Variants in PCDH15 observed in about 807,000 individuals in gnomAD.
The protein encoded by PCDH15 is protocadherin related 15.
Under a neutral mutation model 178.5 loss-of-function variants are expected in PCDH15, and 129 were observed. The ratio of observed to expected loss-of-function variants is 0.72; its 90% CI spans 0.63 to 0.84. The LOEUF (loss-of-function observed/expected upper bound fraction) is 0.84. Among genes scored for constraint, PCDH15 ranks in the 40% least tolerant of loss-of-function variants. PCDH15 has a pLI of 0.00. For missense variants in PCDH15, 2,230 were observed against 2,099.9 expected, an observed-to-expected ratio of 1.06 and a Z score of -1.21; for synonymous variants, 800 against 732.0, an observed-to-expected ratio of 1.09 and a Z score of -1.50.
chr10:54,062,573 T>G (rs931646538), intron 18 of PCDH15, among the ~76,000 whole-genome samples: 47 of 152,268 alleles, frequency 3.1e-4, no homozygotes, highest in Non-Finnish European at 5.4e-4. Flanking sequence ...CTTGGATGTC[T>G]TCCTCTTCCT....
intron 8 of PCDH15, among the ~76,000 whole-genome samples, chr10:54,310,559 T>C (rs4141669): frequency 0.084 from 12,799 of 151,900 alleles, 656 homozygotes; most frequent in Admixed American, 0.14. Flanking sequence ...TAGAATTGGA[T>C]AGAAAGAATA....
chr10:55,622,101 TA>T (rs1361227816), intron 2 of PCDH15, among the ~76,000 whole-genome samples: 1 of 69,450 alleles, frequency 1.4e-5, no homozygotes, highest in Non-Finnish European at 3.1e-5. Flanking sequence ...ATAATGTATA[TA>T]TATTATATAT....
chr10:54,212,888 A>G (rs1302631043), intron 10 of PCDH15, among the ~76,000 whole-genome samples: 1 of 152,128 alleles, frequency 6.6e-6, no homozygotes. Context: ...ATGTAACTCT[A>G]AGGTAATCAC....
At chr10:55,312,478 C>A (rs1479816910) in intron 1 of PCDH15, among the ~76,000 whole-genome samples, 1 of 151,992 alleles carries the variant, frequency 6.6e-6, no homozygotes, top group Non-Finnish European at 1.5e-5. Context: ...TTATGCCATG[C>A]ACTGTATAAT....
At chr10:54,629,551 T>C (rs569517075) in intron 2 of PCDH15, among the ~76,000 whole-genome samples, 7 of 152,212 alleles carry the variant, frequency 4.6e-5, no homozygotes, top group African/African-American at 1.7e-4. Context: ...GACATCTCTT[T>C]ATGATAAAAA....
chr10:54,708,642 A>G (rs888641928), intron 1 of PCDH15, among the ~76,000 whole-genome samples: 8 of 152,016 alleles, frequency 5.3e-5, no homozygotes, highest in Non-Finnish European at 8.8e-5. Flanking sequence ...GAGTATCTAG[A>G]TTATTTCTCA....
intron 2 of PCDH15, among the ~76,000 whole-genome samples, chr10:55,484,619 C>A (rs4935594): frequency 0.3 from 45,980 of 151,468 alleles, 7,109 homozygotes; most frequent in Middle Eastern, 0.35. Context: ...AAAGAGACAG[C>A]AAACTACCTG....
At chr10:54,012,284 T>G (rs140799997) in intron 20 of PCDH15, among the ~76,000 whole-genome samples, 4 of 151,818 alleles carry the variant, frequency 2.6e-5, no homozygotes, top group African/African-American at 9.7e-5. Context: ...CTGAAACATA[T>G]GGGATTATGT....
At chr10:54,176,787 A>G (rs1017602100) in intron 13 of PCDH15, among the ~76,000 whole-genome samples, 1 of 152,172 alleles carries the variant, frequency 6.6e-6, no homozygotes, top group African/African-American at 2.4e-5. Flanking sequence ...TTATGGCAGC[A>G]CATAGGCATG....
intron 2 of PCDH15, among the ~76,000 whole-genome samples, chr10:54,930,476 C>T (rs1232984012): frequency 6.6e-6 from 1 of 152,138 alleles, no homozygotes; most frequent in East Asian, 1.9e-4. Flanking sequence ...TTCCTTGGGG[C>T]AAGACAATGA....
In PCDH15 at chr10:54,039,498, CT is replaced by C. The variant is rs1232430024; in HGVS notation, c.2221-16302del. 9.2e-5 allele frequency among the ~76,000 whole-genome samples: 14 copies of C among 151,982 alleles called. No homozygotes were observed. The East Asian group carries it at 2.7e-3, about 30-fold the overall frequency. The stretch of plus-strand genomic sequence containing the variant: ...AATTGTCAGTGGGTTCCCTCAATGT[CT>C]CCCTTACTCTGTGGCAAGCTAGTCT... On this transcript the variant is annotated intron_variant, in intron 18 of 37. Coordinates refer to ENST00000644397, the MANE Select transcript of PCDH15 (RefSeq NM_001384140.1).
intron 3 of PCDH15, among the ~76,000 whole-genome samples, chr10:54,398,809 C>T (rs552656266): frequency 4.7e-4 from 71 of 152,008 alleles, no homozygotes; most frequent in South Asian, 1.9e-3. Context: ...ACCAAGTATC[C>T]GGGTTGCCTT....
intron 2 of PCDH15, among the ~76,000 whole-genome samples, chr10:55,064,212 C>T (rs1841506656): frequency 6.6e-6 from 1 of 152,122 alleles, no homozygotes; most frequent in Admixed American, 6.6e-5. Flanking sequence ...GCCTGACATA[C>T]AAGTAATTAT....
chr10:54,718,464 A>T (rs2132462897), intron 1 of PCDH15, among the ~76,000 whole-genome samples: 1 of 152,162 alleles, frequency 6.6e-6, no homozygotes, highest in East Asian at 1.9e-4. Flanking sequence ...CAAAGAACTT[A>T]TACAGACTCT....
chr10:55,356,468 A>G (rs1195800222), intron 2 of PCDH15, among the ~76,000 whole-genome samples: 3 of 151,930 alleles, frequency 2.0e-5, no homozygotes, highest in Admixed American at 6.6e-5. Context: ...TGGCCTGGTA[A>G]GTTTTATTTT....
chr10:55,395,845 C>CA (rs201092144), intron 2 of PCDH15, among the ~76,000 whole-genome samples: 16 of 150,582 alleles, frequency 1.1e-4, no homozygotes, highest in Middle Eastern at 3.4e-3. Context: ...TCCTATATCA[C>CA]AAAAAAAACC....
At chr10:55,565,144 G>T (rs1355043855) in intron 2 of PCDH15, among the ~76,000 whole-genome samples, 1 of 151,562 alleles carries the variant, frequency 6.6e-6, no homozygotes, top group East Asian at 1.9e-4. Flanking sequence ...ATCATACAAA[G>T]TATCTTTGCC....
At chr10:54,243,331 A>G (rs2131945972) in intron 8 of PCDH15, among the ~76,000 whole-genome samples, 1 of 152,192 alleles carries the variant, frequency 6.6e-6, no homozygotes, top group Admixed American at 6.5e-5. Context: ...ACACGGTGAA[A>G]CCCCTTCTGT....
chr10:54,877,978 G>C (rs1004414230), intron 3 of PCDH15, among the ~76,000 whole-genome samples: 2 of 40,298 alleles, frequency 5.0e-5, no homozygotes, highest in South Asian at 8.4e-4. Context: ...TTTTTTTTTT[G>C]TTGAAGTGGA....
Sources: gnomAD v4.1 joint callset for allele counts (sites outside exome capture counted in the v4.1 genomes callset) on GRCh38, gnomAD v4.1.1 for gene constraint, MANE v1.5 for transcripts, NCBI Gene and HGNC (gene_info 2026-07-23, HGNC 2026-07-21) for gene names.